Variants in FBXO47 observed in about 807,000 individuals in gnomAD.
FBXO47 encodes the protein F-box only protein 47.
In FBXO47, 34 loss-of-function variants were observed where a neutral mutation model predicts 53.9. The ratio of observed to expected loss-of-function variants is 0.63; its 90% CI spans 0.48 to 0.84. The LOEUF (loss-of-function observed/expected upper bound fraction) is 0.84, where lower values mean the gene tolerates loss of function less well. FBXO47 is among the 40% of genes least tolerant of loss of function. The probability of loss-of-function intolerance (pLI) is 0.00; values close to 1 mark genes in which losing one functional copy is unlikely to be tolerated. For synonymous variants in FBXO47, 165 were observed against 181.6 expected (o/e 0.91, Z 0.73); for missense variants, 485 against 541.3 (o/e 0.90, Z 1.03).
chr17:38,965,189 C>A (rs1157987067), intron 1 of FBXO47, among the ~76,000 whole-genome samples: 1 of 152,182 alleles, frequency 6.6e-6, no homozygotes, highest in African/African-American at 2.4e-5. Context: ...TACCACACAG[C>A]GACTTTGTGT....
intron 4 of FBXO47, among the ~76,000 whole-genome samples, chr17:38,956,006 C>T (rs1905536096): frequency 1.4e-5 from 2 of 141,768 alleles, no homozygotes; most frequent in Admixed American, 7.3e-5. Context: ...TGTGGTGGCA[C>T]ACGCCTGTAA....
chr17:38,957,752 G>A (rs1905625510), intron 3 of FBXO47, among the ~76,000 whole-genome samples: 1 of 146,170 alleles, frequency 6.8e-6, no homozygotes, highest in Non-Finnish European at 1.5e-5. Context: ...AGGCTGAAGT[G>A]CAGTGGCATG....
intron 9 of FBXO47, among the ~76,000 whole-genome samples, chr17:38,941,615 TA>T (rs1268645940): frequency 0.026 from 2,953 of 111,872 alleles, 46 homozygotes; most frequent in Non-Finnish European, 0.032. Flanking sequence ...TAAATAAATA[TA>T]ATATTATATA....
intron 3 of FBXO47, among the ~76,000 whole-genome samples, chr17:38,958,117 C>A (rs970604936): frequency 5.3e-5 from 8 of 152,122 alleles, no homozygotes; most frequent in Non-Finnish European, 1.5e-5. Context: ...GTGTGAACCA[C>A]CATGCCCGGC....
chr17:38,952,284 T>C (rs1479330966), intron 5 of FBXO47, among the ~76,000 whole-genome samples: 1 of 152,116 alleles, frequency 6.6e-6, no homozygotes, highest in Non-Finnish European at 1.5e-5. Flanking sequence ...ATTGCGCCAC[T>C]GCACTCCAAC....
At chr17:38,949,612 T>C (rs889226815) in intron 6 of FBXO47, among the ~76,000 whole-genome samples, 1 of 152,216 alleles carries the variant, frequency 6.6e-6, no homozygotes, top group African/African-American at 2.4e-5. Context: ...GCAAACTGAC[T>C]GCACCATTTT....
chr17:38,951,193 C>G (rs943930829), intron 6 of FBXO47, among the ~76,000 whole-genome samples: 64 of 150,938 alleles, frequency 4.2e-4, no homozygotes, highest in African/African-American at 1.5e-3. Context: ...ACCTGGCCCA[C>G]TATTTATTTT....
At position 38,943,650 on chromosome 17, in the gene FBXO47, C is replaced by G. The variant is rs781666991; in HGVS notation, c.880G>C (p.Asp294His). 3.7e-6 allele frequency: 6 copies of G among 1,609,872 alleles called. No individual in the cohort carries two copies. Among genetic ancestry groups the G allele is most frequent in the Non-Finnish European group, 5.1e-6 (6 of 1,178,132 alleles). The change falls in exon 8 of 11, where the codon GAC (aspartate) becomes CAC (histidine). Residue 294 changes from aspartate to histidine, a missense_variant. Coordinates refer to ENST00000378079, the MANE Select transcript of FBXO47 (RefSeq NM_001008777.3). Reference sequence around the variant, plus strand: ...GCTGTCCACTCTTTAGTGCTAGCGTCATATAGTAACTTAATGGCATCAGCC... The same window carrying G: ...GCTGTCCACTCTTTAGTGCTAGCGTGATATAGTAACTTAATGGCATCAGCC... ...GLADAIKLLY[D>H]ASTKEWTADD...
At chr17:38,957,702 T>TC (rs1211980148) in intron 3 of FBXO47, among the ~76,000 whole-genome samples, 1 of 150,274 alleles carries the variant, frequency 6.7e-6, no homozygotes, top group African/African-American at 2.4e-5. Flanking sequence ...ATTTTTCTTT[T>TC]TTTTTTTTTT....
At chr17:38,966,547 C>T (rs532930527) in intron 1 of FBXO47, among the ~76,000 whole-genome samples, 2 of 152,300 alleles carry the variant, frequency 1.3e-5, no homozygotes, top group East Asian at 1.9e-4. Context: ...AGCATAAATC[C>T]GGCCTTGGCT....
At chr17:38,959,475 G>A (rs552211957) in intron 3 of FBXO47, among the ~76,000 whole-genome samples, 20 of 148,016 alleles carry the variant, frequency 1.4e-4, no homozygotes, top group Non-Finnish European at 2.1e-4. Flanking sequence ...AGTTACTGGA[G>A]ATGCTGAGGC....
At chr17:38,939,661 T>C (rs1483287608) in intron 9 of FBXO47, among the ~76,000 whole-genome samples, 1 of 97,454 alleles carries the variant, frequency 1.0e-5, no homozygotes, top group African/African-American at 3.3e-5. Flanking sequence ...TCTTTTTTTT[T>C]TTTTTTTTTT....
chr17:38,945,048 A>G lies in FBXO47; in HGVS notation c.705T>C (p.Phe235=). 6.2e-7 allele frequency: 1 copy of G among 1,614,054 alleles called. No individual in the cohort carries two copies. Among genetic ancestry groups the G allele is most frequent in the Non-Finnish European group, 8.5e-7 (1 of 1,179,980 alleles). ...DHWTHRSDSA[F]WLTRILKPWP... The stretch of plus-strand genomic sequence containing the variant: ...ATGGTTTTAATATTCGCGTCAACCA[A>G]AAAGCAGAATCACTTCGATGTGTCC... Residue 235 remains phenylalanine, a synonymous_variant, in exon 7 of 11, where the codon TTT becomes TTC. Coordinates refer to ENST00000378079, the MANE Select transcript of FBXO47 (RefSeq NM_001008777.3).
chr17:38,948,207 A>ATTTTTTT (rs869282186), intron 6 of FBXO47, among the ~76,000 whole-genome samples: 2 of 89,296 alleles, frequency 2.2e-5, no homozygotes, highest in Non-Finnish European at 4.3e-5. Flanking sequence ...CCTATTCTGG[A>ATTTTTTT]TTTTTTTTTT....
At chr17:38,938,344 A>G (rs1567713043) in intron 10 of FBXO47, among the ~76,000 whole-genome samples, 1 of 152,194 alleles carries the variant, frequency 6.6e-6, no homozygotes, top group East Asian at 1.9e-4. Flanking sequence ...TAAAACCAAT[A>G]CCAGATTTTT....
intron 4 of FBXO47, among the ~76,000 whole-genome samples, chr17:38,956,148 A>AG (rs1905544915): frequency 2.0e-5 from 3 of 151,656 alleles, no homozygotes; most frequent in East Asian, 3.9e-4. Context: ...AAAAAAAAAA[A>AG]AGTTTTATTT....
chr17:38,942,593 AAAAAC>A (rs1294659022), intron 9 of FBXO47, among the ~76,000 whole-genome samples, 180 bp downstream of exon 9: 3 of 152,190 alleles, frequency 2.0e-5, no homozygotes, highest in Admixed American at 2.0e-4. Context: ...GACTGTCTCA[AAAAAC>A]AAAACAAAAC....
Position 38,938,752 on chromosome 17 carries a change from C to T in FBXO47, c.1084-20G>A, listed in dbSNP as rs752719743. On this transcript the variant is annotated intron_variant, in intron 9 of 10. Transcript: ENST00000378079. ...ACACACCTGATTTAGACATATAAAG[C>T]GCTATAAACCTTCATGTGAAGAAAG... 48 of 1,525,808 alleles carry T rather than the reference C, an allele frequency of 3.1e-5. No homozygotes were observed. Among genetic ancestry groups the T allele is most frequent in the Non-Finnish European group, 3.7e-5 (41 of 1,121,292 alleles). 94.5% of individuals were successfully genotyped at this position (1,525,808 alleles called of 1,614,324 possible). A position where few individuals can be genotyped will look rare whatever the true frequency, so the allele number is the denominator to read the frequency against.
rs1186045051 is a variant in FBXO47, at chr17:38,946,935, TATATATAAAC to T, written c.617-1809_617-1800del. The stretch of plus-strand genomic sequence containing the variant: ...ATATAAACATATATAAACATATAAA[TATATATAAAC>T]ATATATAAATATATAAACATATATA... On this transcript the variant is annotated intron_variant, in intron 6 of 10. Transcript: ENST00000378079. Among the ~76,000 whole-genome samples, 792 of 120,002 alleles carry T rather than the reference TATATATAAAC, an allele frequency of 6.6e-3. 3 individuals are homozygous for T. Among genetic ancestry groups the T allele is most frequent in the African/African-American group, 0.026 (746 of 28,786 alleles). The allele number at this position is 120,002 out of a possible 152,430, so 78.7% of individuals were successfully genotyped here. A position where few individuals can be genotyped will look rare whatever the true frequency, so the allele number is the denominator to read the frequency against.
Sources: allele counts gnomAD v4.1 joint callset (sites outside exome capture counted in the v4.1 genomes callset), GRCh38; gene constraint gnomAD v4.1.1; transcripts MANE v1.5; gene names NCBI Gene and HGNC (gene_info 2026-07-23, HGNC 2026-07-21).